Variants in SLIT1 observed in about 807,000 individuals in gnomAD.
The protein encoded by SLIT1 is slit guidance ligand 1, also known as slit homolog 1 protein.
SLIT1 carries 66 observed loss-of-function variants against 186.1 expected under a neutral mutation model. The ratio of observed to expected loss-of-function variants is 0.35; its 90% CI spans 0.29 to 0.44. SLIT1 has a LOEUF of 0.44. Ranked by LOEUF, SLIT1 falls within the 20% of genes least tolerant of loss-of-function variation. The pLI is 1.00. For synonymous variants in SLIT1, 761 were observed against 833.8 expected (o/e 0.91, Z 1.50); for missense variants, 1,638 against 2,037.4 (o/e 0.80, Z 3.77).
chr10:97,028,897 TAAATC>T (rs1010040515), intron 25 of SLIT1, among the ~76,000 whole-genome samples: 2 of 152,204 alleles, frequency 1.3e-5, no homozygotes, highest in African/African-American at 4.8e-5. Context: ...ATGGAAATAA[TAAATC>T]AAATCCTACC....
In SLIT1 at chr10:97,010,918, T is replaced by G; in HGVS notation, c.3341+75A>C. On this transcript the variant is annotated intron_variant, in intron 31 of 36. Transcript: ENST00000266058. The surrounding 1 kb of genome is among the most constrained non-coding windows in gnomAD (Gnocchi z 4.8). Reference sequence around the variant, plus strand: ...TGACCCACACCCCTTTCCTTCGCCATGGCTGGAGGCTCCTGCCAGCCCAGG... The same window carrying G: ...TGACCCACACCCCTTTCCTTCGCCAGGGCTGGAGGCTCCTGCCAGCCCAGG... The G allele has an allele frequency of 1.4e-6, 2 of 1,458,736 alleles. No individual in the cohort carries two copies. Among genetic ancestry groups the G allele is most frequent in the Non-Finnish European group, 1.9e-6 (2 of 1,062,528 alleles). 90.4% of individuals were successfully genotyped at this position (1,458,736 alleles called of 1,614,324 possible). A position where few individuals can be genotyped will look rare whatever the true frequency, so the allele number is the denominator to read the frequency against.
intron 4 of SLIT1, among the ~76,000 whole-genome samples, chr10:97,121,587 G>A (rs530337028): frequency 1.3e-5 from 2 of 152,330 alleles, no homozygotes; most frequent in African/African-American, 4.8e-5. Context: ...AATGCATCAT[G>A]TCAAGTAGCG....
At position 97,004,343 on chromosome 10, in the gene SLIT1, G is replaced by T; in HGVS notation, c.3711-121C>A. 1 of 967,356 alleles carries T rather than the reference G, an allele frequency of 1.0e-6. No individual in the cohort carries two copies. 59.9% of individuals were successfully genotyped at this position (967,356 alleles called of 1,614,324 possible). On this transcript the variant is annotated intron_variant, in intron 33 of 36. Coordinates refer to ENST00000266058, the MANE Select transcript of SLIT1 (RefSeq NM_003061.3). This position sits in a 1 kb window ranked among gnomAD's most constrained non-coding sequence, Gnocchi z 5.1. ...CAGGAGACCAAATATCTAAGGAAAA[G>T]GACTGTGGGGGCTCAAGGGTCTATC... is the stretch of plus-strand genomic sequence containing the variant.
Position 97,061,720 on chromosome 10 carries a change from T to C in SLIT1, c.794-933A>G, listed in dbSNP as rs114408930. Among the ~76,000 whole-genome samples, 530 of 152,354 alleles carry C rather than the reference T, an allele frequency of 3.5e-3. 5 individuals are homozygous for C. The highest frequency in any genetic ancestry group is 0.012 in the African/African-American group (493 of 41,588). On this transcript the variant is annotated intron_variant, in intron 8 of 36. Coordinates refer to ENST00000266058, the MANE Select transcript of SLIT1 (RefSeq NM_003061.3). Reference sequence around the variant, plus strand: ...GGTTGTCTCCAATTTGGGGCTATTATGGAAAAAGCTGCCTTTAATATTTTT... The same window carrying C: ...GGTTGTCTCCAATTTGGGGCTATTACGGAAAAAGCTGCCTTTAATATTTTT...
At chr10:97,172,252 G>GC (rs1204261861) in intron 1 of SLIT1, among the ~76,000 whole-genome samples, 1 of 151,960 alleles carries the variant, frequency 6.6e-6, no homozygotes, top group Non-Finnish European at 1.5e-5. Flanking sequence ...CACCATGTTG[G>GC]CCAGGCTGAT....
chr10:97,121,371 C>T (rs1002596494), intron 4 of SLIT1, among the ~76,000 whole-genome samples: 1 of 152,170 alleles, frequency 6.6e-6, no homozygotes, highest in African/African-American at 2.4e-5. Context: ...GCTCTTAGAG[C>T]TGCCATCCCT....
intron 4 of SLIT1, among the ~76,000 whole-genome samples, chr10:97,103,922 G>A (rs568291242): frequency 2.6e-5 from 4 of 152,232 alleles, no homozygotes; most frequent in Non-Finnish European, 4.4e-5. Context: ...CAACTCCCAC[G>A]GCGGGAGTGC....
chr10:97,129,477 T>TG (rs1849634015), intron 4 of SLIT1, among the ~76,000 whole-genome samples: 1 of 152,192 alleles, frequency 6.6e-6, no homozygotes, highest in Non-Finnish European at 1.5e-5. Flanking sequence ...TCACAGTGCC[T>TG]GATCTCAGTT....
intron 4 of SLIT1, among the ~76,000 whole-genome samples, chr10:97,114,863 A>G (rs1386208493): frequency 1.3e-5 from 2 of 152,212 alleles, no homozygotes; most frequent in African/African-American, 4.8e-5. Context: ...TTTCTCCTCT[A>G]TGACAATGGG....
chr10:97,075,120 C>A (rs1849034032), intron 4 of SLIT1, among the ~76,000 whole-genome samples: 1 of 152,196 alleles, frequency 6.6e-6, no homozygotes, highest in African/African-American at 2.4e-5. Context: ...GGCAGCCTGG[C>A]CTGTCCCCTC....
intron 4 of SLIT1, among the ~76,000 whole-genome samples, chr10:97,127,136 A>G (rs1414987117): frequency 6.6e-6 from 1 of 151,208 alleles, no homozygotes; most frequent in African/African-American, 2.4e-5. Flanking sequence ...TAAAAAAAAA[A>G]CAAAAAAAAT....
chr10:97,134,306 T>C (rs1849681460), intron 4 of SLIT1, among the ~76,000 whole-genome samples: 1 of 152,140 alleles, frequency 6.6e-6, no homozygotes, highest in Non-Finnish European at 1.5e-5. Context: ...GCCATCTCAT[T>C]CTACAGGCGT....
At chr10:97,001,597 G>C (rs1334359882) in intron 36 of SLIT1, among the ~76,000 whole-genome samples, 2 of 152,048 alleles carry the variant, frequency 1.3e-5, no homozygotes, top group East Asian at 1.9e-4. Flanking sequence ...CTGGAGGGAG[G>C]GGGGGTCCCC....
chr10:97,141,686 CGT>C (rs1564686411), intron 4 of SLIT1, among the ~76,000 whole-genome samples: 7,889 of 147,766 alleles, frequency 0.053, 330 homozygotes, highest in African/African-American at 0.12. Flanking sequence ...CGTATTGTAT[CGT>C]ATCGTATCGT....
chr10:97,129,408 T>C (rs1849633365), intron 4 of SLIT1, among the ~76,000 whole-genome samples: 1 of 151,048 alleles, frequency 6.6e-6, no homozygotes, highest in Non-Finnish European at 1.5e-5. Context: ...AAGAAGCTAA[T>C]ATAAGTTCCT....
intron 1 of SLIT1, among the ~76,000 whole-genome samples, chr10:97,182,433 A>G (rs983407515): frequency 8.5e-5 from 13 of 152,242 alleles, no homozygotes; most frequent in African/African-American, 3.1e-4. Flanking sequence ...TATTGATTAG[A>G]GAGAGCATTT....
chr10:97,082,055 G>C (rs1849110557), intron 4 of SLIT1, among the ~76,000 whole-genome samples: 2 of 152,268 alleles, frequency 1.3e-5, no homozygotes, highest in Admixed American at 6.5e-5. Flanking sequence ...ACTCCTAGGA[G>C]AGGCATGTGC....
At chr10:97,061,273 G>A (rs752695832) in intron 8 of SLIT1, among the ~76,000 whole-genome samples, 6 of 152,170 alleles carry the variant, frequency 3.9e-5, no homozygotes, top group Non-Finnish European at 8.8e-5. Flanking sequence ...CAGAGTCCTC[G>A]ATATTAATTA....
At chr10:97,069,107 G>A (rs1360464899) in intron 4 of SLIT1, among the ~76,000 whole-genome samples, 2 of 152,236 alleles carry the variant, frequency 1.3e-5, no homozygotes, top group African/African-American at 2.4e-5. Context: ...TCCTAAGTGG[G>A]ATGCTGCCAC....
Sources: allele counts gnomAD v4.1 joint callset (sites outside exome capture counted in the v4.1 genomes callset), GRCh38; gene constraint gnomAD v4.1.1; non-coding constraint Gnocchi (gnomAD v3.1); transcripts MANE v1.5; gene names NCBI Gene and HGNC (gene_info 2026-07-23, HGNC 2026-07-21).